The following MICAL3 variants were observed in gnomAD, a reference collection of about 807,000 sequenced individuals.
MICAL3 encodes [F-actin]-monooxygenase MICAL3.
In MICAL3, 62 loss-of-function variants were observed where a neutral mutation model predicts 207.4. That is an observed-to-expected ratio of 0.30 (90% CI 0.24 to 0.37). MICAL3 has a LOEUF of 0.37. MICAL3 is among the 10% of genes least tolerant of loss of function. The pLI is 1.00. For missense variants in MICAL3, 2,368 were observed against 2,635.6 expected (o/e 0.90, Z 2.22); for synonymous variants, 1,077 against 1,069.3 (o/e 1.01, Z -0.14).
In MICAL3 at chr22:17,851,938, A is replaced by T. The variant is rs557471432; in HGVS notation, c.2606-9921T>A. Among the ~76,000 whole-genome samples, 13 of 152,312 alleles carry T rather than the reference A, an allele frequency of 8.5e-5. 1 individual carries two copies. In the East Asian group the frequency reaches 2.5e-3, roughly 29 times the overall value. On this transcript the variant is annotated intron_variant, in intron 19 of 31. Coordinates refer to ENST00000441493, the MANE Select transcript of MICAL3 (RefSeq NM_015241.3). ...CGTGGCGGGTGAAGGGCAGAGGAGG[A>T]CATGGGTCAGCACGAGCAAGTCCAG...
chr22:17,804,982 C>G (rs2061975708), intron 29 of MICAL3, among the ~76,000 whole-genome samples: 1 of 152,176 alleles, frequency 6.6e-6, no homozygotes, highest in African/African-American at 2.4e-5. Context: ...ATCCTTGCAG[C>G]CTGGCCATAC....
intron 19 of MICAL3, among the ~76,000 whole-genome samples, chr22:17,852,638 C>T (rs1210914425): frequency 6.6e-6 from 1 of 152,184 alleles, no homozygotes; most frequent in Non-Finnish European, 1.5e-5. Context: ...TCCTTTCCTC[C>T]AAAGGGGCCA....
intron 19 of MICAL3, chr22:17,842,583 G>A (rs528187304): frequency 1.2e-3 from 191 of 160,084 alleles, no homozygotes; most frequent in Non-Finnish European, 1.8e-3. Context: ...ATAAGGCCAC[G>A]TGGGCGATGC....
chr22:17,791,352 G>A, intron 29 of MICAL3, 51 bp from the exon 30 acceptor site: 3 of 1,481,546 alleles, frequency 2.0e-6, no homozygotes, highest in Non-Finnish European at 2.8e-6. Context: ...GCCCACCCTG[G>A]CCCGCAGGAA....
At chr22:17,918,552 C>T (rs1199676638) in intron 1 of MICAL3, among the ~76,000 whole-genome samples, 6 of 152,146 alleles carry the variant, frequency 3.9e-5, no homozygotes, top group Non-Finnish European at 8.8e-5. Flanking sequence ...GGCCACTGTA[C>T]ACACCTGGGC....
rs184738867 is a variant in MICAL3 at position 17,857,531 on chromosome 22, C to T, written c.2605+7368G>A. ...CTCCCGCAGGTGCAGGAGAGTTGAT[C>T]ACAGAACACAGAATAAGGAAATCAG... On this transcript the variant is annotated intron_variant, in intron 19 of 31. Coordinates refer to ENST00000441493, the MANE Select transcript of MICAL3 (RefSeq NM_015241.3). Among the ~76,000 whole-genome samples the T allele has an allele frequency of 8.5e-4, 130 of 152,336 alleles. 2 individuals carry two copies. Among genetic ancestry groups the T allele is most frequent in the African/African-American group, 3.0e-3 (123 of 41,574 alleles).
chr22:17,857,672 G>T (rs1328439503), intron 19 of MICAL3, among the ~76,000 whole-genome samples: 1 of 152,276 alleles, frequency 6.6e-6, no homozygotes, highest in Non-Finnish European at 1.5e-5. Context: ...GAGAAGTTCT[G>T]TAAGGATTTT....
intron 1 of MICAL3, among the ~76,000 whole-genome samples, chr22:17,980,052 C>T (rs955841390): frequency 6.6e-6 from 1 of 152,172 alleles, no homozygotes; most frequent in Non-Finnish European, 1.5e-5. Context: ...TGGTCTGGAA[C>T]TGCTGGGCTC....
intron 29 of MICAL3, among the ~76,000 whole-genome samples, chr22:17,804,576 C>G (rs1295937143): frequency 6.6e-6 from 1 of 152,228 alleles, no homozygotes; most frequent in South Asian, 2.1e-4. Flanking sequence ...CACTCCTAGC[C>G]TGGTAGTTCC....
intron 1 of MICAL3, among the ~76,000 whole-genome samples, chr22:17,917,975 G>A (rs1168447999): frequency 6.6e-6 from 1 of 152,226 alleles, no homozygotes; most frequent in East Asian, 1.9e-4. Flanking sequence ...TTCTCCTGCT[G>A]AGGTGCCCAT....
chr22:18,000,450 G>T (rs543782292), intron 1 of MICAL3, among the ~76,000 whole-genome samples: 1 of 152,224 alleles, frequency 6.6e-6, no homozygotes, highest in Non-Finnish European at 1.5e-5. Context: ...GCCCCTTAAC[G>T]GGATGCGGCA....
At chr22:17,940,487 A>T (rs1336091169) in intron 1 of MICAL3, among the ~76,000 whole-genome samples, 1 of 152,216 alleles carries the variant, frequency 6.6e-6, no homozygotes, top group Non-Finnish European at 1.5e-5. Context: ...AAACCCATAC[A>T]TCACAACTTT....
At position 17,871,919 on chromosome 22, in the gene MICAL3, C is replaced by A. The variant is rs779233939; in HGVS notation, c.2346G>T (p.Lys782Asn). Residue 782 changes from lysine (K) to asparagine (N), a missense_variant, in exon 17 of 32, where the codon AAG becomes AAT. By Grantham distance (94) the Lys-to-Asn change is moderately conservative. This residue lies in a region of MICAL3 where 1,770 missense variants were observed against 1,863.2 expected (regional missense o/e 0.95). Coordinates refer to ENST00000441493, the MANE Select transcript of MICAL3 (RefSeq NM_015241.3). ...ACTTGAAGCAGCTCCGGTGGAAGAA[C>A]TTGCCCTCGGCACTCAGCCTCTCCA... ...YVMERLSAEG[K>N]FFHRSCFKCE... 6.2e-7 allele frequency: 1 copy of A among 1,611,532 alleles called. No individual in the cohort carries two copies. Among genetic ancestry groups the A allele is most frequent in the Admixed American group, 1.7e-5 (1 of 59,726 alleles).
chr22:17,870,122 G>T (rs182226972), intron 17 of MICAL3, among the ~76,000 whole-genome samples: 1 of 152,168 alleles, frequency 6.6e-6, no homozygotes, highest in African/African-American at 2.4e-5. Context: ...TAAAATTTGG[G>T]GAGCTGGTTT....
intron 19 of MICAL3, chr22:17,860,733 G>A: frequency 1.0e-6 from 1 of 985,338 alleles, no homozygotes; most frequent in Non-Finnish European, 1.2e-6. Context: ...TCTGCTCTTG[G>A]GGCCCTTTCT....
In MICAL3 at chr22:17,992,554, A is replaced by T. The variant is rs115649225; in HGVS notation, c.-75+31727T>A. 2.9e-3 allele frequency among the ~76,000 whole-genome samples: 440 copies of T among 152,276 alleles called. 3 individuals are homozygous for T. The highest frequency in any genetic ancestry group is 9.4e-3 in the African/African-American group (392 of 41,554). ...TGGCACTTACATACAACAGATGCTC[A>T]ATAAATGTGCTGAAAAAAGTCAGTG... On this transcript the variant is annotated intron_variant, in intron 1 of 31. Transcript: ENST00000441493.
chr22:17,928,165 C>A (rs959002508), intron 1 of MICAL3, among the ~76,000 whole-genome samples: 1 of 152,076 alleles, frequency 6.6e-6, no homozygotes, highest in Non-Finnish European at 1.5e-5. Flanking sequence ...GTGGGCCGGG[C>A]GCGGTGGCTC....
intron 1 of MICAL3, among the ~76,000 whole-genome samples, chr22:17,957,409 T>C (rs573592067): frequency 3.3e-5 from 5 of 152,294 alleles, no homozygotes; most frequent in South Asian, 4.1e-4. Context: ...GATACAAAAA[T>C]GTGAATAGAA....
intron 1 of MICAL3, among the ~76,000 whole-genome samples, chr22:17,995,542 A>G (rs1174388871): frequency 3.7e-5 from 4 of 108,416 alleles, no homozygotes; most frequent in Non-Finnish European, 6.9e-5. Flanking sequence ...GTCTTGCTCT[A>G]TCACCAAGGC....
Sources: allele counts gnomAD v4.1 joint callset (sites outside exome capture counted in the v4.1 genomes callset), GRCh38; gene constraint gnomAD v4.1.1; regional missense constraint gnomAD v4.1.1; transcripts MANE v1.5; gene names NCBI Gene and HGNC (gene_info 2026-07-23, HGNC 2026-07-21).